CCDC30: variants seen among roughly 807,000 people sequenced by gnomAD.
CCDC30 encodes coiled-coil domain containing 30.
In CCDC30, 70 loss-of-function variants were observed where a neutral mutation model predicts 100.2. The observed-to-expected ratio is 0.70, with a 90% CI of 0.58 to 0.85. The LOEUF (loss-of-function observed/expected upper bound fraction) is 0.85, where lower values mean the gene tolerates loss of function less well. CCDC30 is among the 40% of genes least tolerant of loss of function. The pLI is 0.00. For synonymous variants in CCDC30, 233 were observed against 269.5 expected, an observed-to-expected ratio of 0.86 and a Z score of 1.33; for missense variants, 652 against 771.2, an observed-to-expected ratio of 0.85 and a Z score of 1.83.
chr1:42,555,344 C>G (rs1361018930), intron 6 of CCDC30, among the ~76,000 whole-genome samples: 5 of 152,246 alleles, frequency 3.3e-5, no homozygotes, highest in Admixed American at 1.3e-4. Flanking sequence ...TACATACACA[C>G]TCCTTCCTCC....
rs751432882 is a variant in CCDC30 at position 42,556,220 on chromosome 1, C to G, written c.457-10076C>G. 3 of 1,613,898 alleles carry G rather than the reference C, an allele frequency of 1.9e-6. No individual in the cohort carries two copies. The South Asian group carries it at 3.3e-5, about 18-fold the overall frequency. ...GGAGTCAGTAAAGGAGGGCAGTTTT[C>G]CAAGAGAGGGGCAGAAGGAGGAGGG... On this transcript the variant is annotated intron_variant, in intron 6 of 16. Transcript: ENST00000668663.
At chr1:42,581,055 G>T in intron 8 of CCDC30, 1 of 370,156 alleles carries the variant, frequency 2.7e-6, no homozygotes, top group Admixed American at 3.9e-5. Context: ...GCCCAGGCTG[G>T]TCTCGAACTC....
chr1:42,575,649 C>CAAAAAAAAAACAAAAAAAAAAAA (rs71065186), intron 7 of CCDC30, among the ~76,000 whole-genome samples: 1 of 76,950 alleles, frequency 1.3e-5, no homozygotes, highest in Non-Finnish European at 2.3e-5. Context: ...GACCCTGTCT[C>CAAAAAAAAAACAAAAAAAAAAAA]AAAAAAAAAG....
At chr1:42,605,399 G>A (rs1275960277) in intron 10 of CCDC30, among the ~76,000 whole-genome samples, 3 of 152,136 alleles carry the variant, frequency 2.0e-5, no homozygotes, top group Non-Finnish European at 2.9e-5. Flanking sequence ...TCTCCCTTAT[G>A]CCAAAGAAGT....
At chr1:42,520,290 G>A (rs1644617669) in intron 6 of CCDC30, among the ~76,000 whole-genome samples, 1 of 150,156 alleles carries the variant, frequency 6.7e-6, no homozygotes, top group Non-Finnish European at 1.5e-5. Flanking sequence ...GTTTTGGTGT[G>A]TTATGATTTC....
intron 14 of CCDC30, 52 bp downstream of exon 18, chr1:42,644,859 C>T (rs767763445): frequency 2.6e-6 from 3 of 1,133,478 alleles, no homozygotes; most frequent in Admixed American, 3.4e-5. Context: ...GTTCGGGTTG[C>T]TACGGCTGCT....
chr1:42,641,040 G>A (rs975859715), intron 12 of CCDC30, among the ~76,000 whole-genome samples: 2 of 151,892 alleles, frequency 1.3e-5, no homozygotes, highest in East Asian at 1.9e-4. Context: ...AGGATAGTTC[G>A]AGGCCAGGAG....
chr1:42,497,063 T>C, intron 4 of CCDC30, 35 bp from the exon 5 acceptor site: 1 of 1,137,138 alleles, frequency 8.8e-7, no homozygotes, highest in Non-Finnish European at 1.1e-6. Flanking sequence ...AAAACTTTGA[T>C]CCAGTTGAGT....
chr1:42,518,368 T>C (rs1187641071), intron 6 of CCDC30, among the ~76,000 whole-genome samples: 1 of 152,156 alleles, frequency 6.6e-6, no homozygotes, highest in East Asian at 1.9e-4. Context: ...TTTGGTGAAA[T>C]ATTTAGGTTT....
At chr1:42,536,975 C>T in intron 6 of CCDC30, 1 of 352,734 alleles carries the variant, frequency 2.8e-6, no homozygotes, top group South Asian at 2.3e-5. Flanking sequence ...TTATCACCTC[C>T]TTATCAACCC....
exon 10 of CCDC30, chr1:42,589,407 C>T: frequency 1.2e-6 from 2 of 1,613,804 alleles, no homozygotes; most frequent in Non-Finnish European, 1.7e-6. Flanking sequence ...ATGACCTGTT[C>T]TCAGCAACAA....
intron 11 of CCDC30, among the ~76,000 whole-genome samples, chr1:42,631,493 C>T (rs546797429): frequency 6.6e-6 from 1 of 152,318 alleles, no homozygotes; most frequent in East Asian, 1.9e-4. Context: ...CCAGCTATGA[C>T]CACTCAAGTC....
At chr1:42,502,612 C>T (rs1023255917) in intron 6 of CCDC30, among the ~76,000 whole-genome samples, 4 of 152,148 alleles carry the variant, frequency 2.6e-5, no homozygotes, top group Admixed American at 1.3e-4. Context: ...GAACCTCCCT[C>T]GTGAATTCTT....
intron 4 of CCDC30, among the ~76,000 whole-genome samples, chr1:42,496,101 A>T (rs1644227453): frequency 6.9e-6 from 1 of 145,446 alleles, no homozygotes; most frequent in African/African-American, 2.6e-5. Context: ...GTATAATGTC[A>T]TTTGGGTTTT....
chr1:42,507,067 C>G (rs1177420085), intron 6 of CCDC30, among the ~76,000 whole-genome samples: 4 of 152,164 alleles, frequency 2.6e-5, no homozygotes, highest in Non-Finnish European at 5.9e-5. Context: ...GTTGGGATTA[C>G]TGGTATGTGC....
intron 7 of CCDC30, among the ~76,000 whole-genome samples, chr1:42,570,577 C>A (rs908790658): frequency 6.6e-6 from 1 of 152,086 alleles, no homozygotes; most frequent in Non-Finnish European, 1.5e-5. Context: ...ATCCCATCAC[C>A]TTACCACCCA....
At position 42,596,051 on chromosome 1, in the gene CCDC30, A is replaced by G. The variant is rs553204937; in HGVS notation, c.1164+6568A>G. On this transcript the variant is annotated intron_variant, in intron 10 of 16. Transcript: ENST00000668663. This position sits in a 1 kb window ranked among gnomAD's most constrained non-coding sequence, Gnocchi z 4.3. ...AACTGAAAAATCAACACATTTCCCTAGATCCTTCAGAGAAGAGAGGTCACA... is the reference window on the plus strand; with the variant it reads ...AACTGAAAAATCAACACATTTCCCTGGATCCTTCAGAGAAGAGAGGTCACA... Among the ~76,000 whole-genome samples, 1 of 152,344 alleles carries G rather than the reference A, an allele frequency of 6.6e-6. No individual in the cohort carries two copies. Among genetic ancestry groups the G allele is most frequent in the East Asian group, 1.9e-4 (1 of 5,188 alleles).
intron 11 of CCDC30, among the ~76,000 whole-genome samples, chr1:42,627,322 C>A (rs751065023): frequency 6.6e-6 from 1 of 152,084 alleles, no homozygotes; most frequent in Non-Finnish European, 1.5e-5. Context: ...GCATTCAAAA[C>A]GTGACTTGGG....
At chr1:42,495,056 C>T (rs1250579237) in intron 4 of CCDC30, among the ~76,000 whole-genome samples, 34 of 142,726 alleles carry the variant, frequency 2.4e-4, no homozygotes, top group African/African-American at 8.3e-4. Context: ...CACATGCACA[C>T]ATATGTTTAT....
Sources: gnomAD v4.1 joint callset for allele counts (sites outside exome capture counted in the v4.1 genomes callset) on GRCh38, gnomAD v4.1.1 for gene constraint, Gnocchi (gnomAD v3.1) non-coding constraint, MANE v1.5 for transcripts, NCBI Gene and HGNC (gene_info 2026-07-23, HGNC 2026-07-21) for gene names.